DCC: variants seen among roughly 807,000 people sequenced by gnomAD.
DCC encodes DCC netrin 1 receptor.
In DCC, 58 loss-of-function variants were observed where a neutral mutation model predicts 172.5. That is an observed-to-expected ratio of 0.34 (90% CI 0.27 to 0.42). The LOEUF (loss-of-function observed/expected upper bound fraction) is 0.42, where lower values mean the gene tolerates loss of function less well. DCC is among the 10% of genes least tolerant of loss of function. The probability of loss-of-function intolerance (pLI) is 1.00; values close to 1 mark genes in which losing one functional copy is unlikely to be tolerated. For missense variants in DCC, 1,740 were observed against 1,791.0 expected (o/e 0.97, Z 0.51); for synonymous variants, 709 against 644.5 (o/e 1.10, Z -1.52).
chr18:52,343,255 A>G (rs993673114), intron 1 of DCC, among the ~76,000 whole-genome samples: 1 of 152,226 alleles, frequency 6.6e-6, no homozygotes, highest in Non-Finnish European at 1.5e-5. Flanking sequence ...GAAACTTACA[A>G]CGAGAAAGCA....
At chr18:52,739,442 G>C (rs997306602) in intron 1 of DCC, among the ~76,000 whole-genome samples, 13 of 152,116 alleles carry the variant, frequency 8.5e-5, no homozygotes, top group Non-Finnish European at 1.9e-4. Flanking sequence ...TATGATTCAT[G>C]TTTGCTCCCT....
intron 9 of DCC, among the ~76,000 whole-genome samples, chr18:53,200,625 T>G (rs947285269): frequency 6.6e-6 from 1 of 152,180 alleles, no homozygotes; most frequent in Admixed American, 6.5e-5. Flanking sequence ...ATGTTTGTTC[T>G]TATGGGGATA....
chr18:52,812,557 G>A lies in DCC; in HGVS notation c.412+60183G>A, dbSNP rs534524599. Among the ~76,000 whole-genome samples, 11 of 152,240 alleles carry A rather than the reference G, an allele frequency of 7.2e-5. No homozygotes were observed. In the East Asian group the frequency reaches 1.7e-3, roughly 24 times the overall value. On this transcript the variant is annotated intron_variant, in intron 2 of 28. Coordinates refer to ENST00000442544, the MANE Select transcript of DCC (RefSeq NM_005215.4). ...ACTTGGCAGGAAAGTTATCATCCAA[G>A]TTCAATTATTTAATCTTAAAAAACA...
At chr18:53,335,740 A>T (rs1315255280) in intron 14 of DCC, among the ~76,000 whole-genome samples, 1 of 152,124 alleles carries the variant, frequency 6.6e-6, no homozygotes, top group East Asian at 1.9e-4. Flanking sequence ...CATGCTGCTG[A>T]TAAAGACATA....
At chr18:53,314,742 T>C (rs1283353330) in intron 13 of DCC, among the ~76,000 whole-genome samples, 1 of 152,158 alleles carries the variant, frequency 6.6e-6, no homozygotes. Flanking sequence ...AAGGATAAAA[T>C]ATAATACTTC....
At chr18:53,245,488 A>G (rs1158078503) in intron 12 of DCC, among the ~76,000 whole-genome samples, 2 of 152,214 alleles carry the variant, frequency 1.3e-5, no homozygotes, top group East Asian at 3.9e-4. Context: ...TGTACTTGGA[A>G]CTGTTTCTAG....
Position 52,497,287 on chromosome 18 carries a change from A to ATG in DCC, c.91+156410_91+156411insGT, listed in dbSNP as rs1568198482. 6.4e-3 allele frequency among the ~76,000 whole-genome samples: 215 copies of ATG among 33,652 alleles called. 20 individuals carry two copies. The highest frequency in any genetic ancestry group is 0.014 in the South Asian group (13 of 958). The allele number at this position is 33,652 out of a possible 152,430, so 22.1% of individuals were successfully genotyped here. On this transcript the variant is annotated intron_variant, in intron 1 of 28. Transcript: ENST00000442544. ...AAAAAAAAAAAAAAAAAAAATATAT[A>ATG]TATATATATATATATATATATATAT...
chr18:53,299,670 A>G (rs2057109443), intron 12 of DCC, among the ~76,000 whole-genome samples: 3 of 152,186 alleles, frequency 2.0e-5, no homozygotes, highest in Admixed American at 6.5e-5. Context: ...TTACATGTTT[A>G]CCACATCAAG....
intron 14 of DCC, among the ~76,000 whole-genome samples, chr18:53,332,014 G>A (rs2057534206): frequency 6.6e-6 from 1 of 152,150 alleles, no homozygotes; most frequent in Non-Finnish European, 1.5e-5. Flanking sequence ...AATTATTTTA[G>A]CATCTACGTT....
intron 1 of DCC, among the ~76,000 whole-genome samples, chr18:52,488,113 G>A (rs2030322560): frequency 6.6e-6 from 1 of 152,078 alleles, no homozygotes; most frequent in Admixed American, 6.6e-5. Flanking sequence ...CACTTTAAAA[G>A]GAAAGAAACA....
At chr18:52,867,692 G>A (rs1230911649) in intron 2 of DCC, among the ~76,000 whole-genome samples, 2 of 152,110 alleles carry the variant, frequency 1.3e-5, no homozygotes, top group African/African-American at 4.8e-5. Flanking sequence ...AATATTCTCT[G>A]ATGGTATTTT....
chr18:53,027,094 G>T (rs968493984), intron 5 of DCC, among the ~76,000 whole-genome samples: 1 of 152,106 alleles, frequency 6.6e-6, no homozygotes, highest in South Asian at 2.1e-4. Context: ...ACAGAGTGCT[G>T]TATTTCTTTC....
At chr18:53,307,038 A>C (rs2057208881) in intron 13 of DCC, among the ~76,000 whole-genome samples, 1 of 152,194 alleles carries the variant, frequency 6.6e-6, no homozygotes, top group Admixed American at 6.5e-5. Flanking sequence ...CATGACTCAC[A>C]CACATTATAA....
At chr18:52,388,608 T>C (rs1400591819) in intron 1 of DCC, among the ~76,000 whole-genome samples, 1 of 152,062 alleles carries the variant, frequency 6.6e-6, no homozygotes, top group Non-Finnish European at 1.5e-5. Flanking sequence ...CTAGGAGTAT[T>C]TCAGCAAAGT....
At chr18:53,160,100 G>C (rs1363834151) in intron 8 of DCC, among the ~76,000 whole-genome samples, 2 of 152,144 alleles carry the variant, frequency 1.3e-5, no homozygotes, top group African/African-American at 4.8e-5. Context: ...TTTCATAATT[G>C]TTCACAGGCC....
intron 1 of DCC, among the ~76,000 whole-genome samples, chr18:52,668,878 C>A (rs1299461566): frequency 6.6e-6 from 1 of 152,232 alleles, no homozygotes; most frequent in Non-Finnish European, 1.5e-5. Context: ...GTTAGACATG[C>A]ATGCCTTGTG....
chr18:53,081,226 T>C (rs2042796150), intron 7 of DCC, among the ~76,000 whole-genome samples: 1 of 152,096 alleles, frequency 6.6e-6, no homozygotes, highest in Non-Finnish European at 1.5e-5. Flanking sequence ...ACTAAATAGT[T>C]TAATATGGAT....
At chr18:53,116,695 C>G (rs777888999) in intron 7 of DCC, among the ~76,000 whole-genome samples, 1 of 151,638 alleles carries the variant, frequency 6.6e-6, no homozygotes, top group African/African-American at 2.4e-5. Context: ...TGCTTTAAAT[C>G]CAGTTCAATA....
At chr18:53,525,232 A>G (rs2046441582) in intron 27 of DCC, among the ~76,000 whole-genome samples, 1 of 152,042 alleles carries the variant, frequency 6.6e-6, no homozygotes, top group Non-Finnish European at 1.5e-5. Flanking sequence ...GTGAATCCCA[A>G]ATTTTCCCTC....
Sources: allele counts gnomAD v4.1 joint callset (sites outside exome capture counted in the v4.1 genomes callset), GRCh38; gene constraint gnomAD v4.1.1; transcripts MANE v1.5; gene names NCBI Gene and HGNC (gene_info 2026-07-23, HGNC 2026-07-21).